RARB: variants seen among roughly 807,000 people sequenced by gnomAD.
The protein encoded by RARB is retinoic acid receptor beta, also known as HBV-activated protein.
Under a neutral mutation model 51.9 loss-of-function variants are expected in RARB, and 17 were observed. The ratio of observed to expected loss-of-function variants is 0.33; its 90% CI spans 0.22 to 0.49. RARB has a LOEUF of 0.49. Among genes scored for constraint, RARB ranks in the 20% least tolerant of loss-of-function variants. The probability of loss-of-function intolerance (pLI) is 0.99; values close to 1 mark genes in which losing one functional copy is unlikely to be tolerated. For synonymous variants in RARB, 215 were observed against 195.4 expected, an observed-to-expected ratio of 1.10 and a Z score of -0.84; for missense variants, 369 against 550.8, an observed-to-expected ratio of 0.67 and a Z score of 3.30.
chr3:24,973,479 A>T (rs1013481472), intron 2 of RARB, among the ~76,000 whole-genome samples: 1 of 151,788 alleles, frequency 6.6e-6, no homozygotes, highest in Admixed American at 6.6e-5. Flanking sequence ...CAAATTTTAG[A>T]ATTTTTTTGT....
chr3:25,002,824 A>G (rs1337579201), intron 2 of RARB, among the ~76,000 whole-genome samples: 3 of 152,026 alleles, frequency 2.0e-5, no homozygotes, highest in South Asian at 4.1e-4. Context: ...TTCATCATCT[A>G]TAATATAGGG....
At chr3:25,346,709 G>T (rs540102132) in intron 5 of RARB, among the ~76,000 whole-genome samples, 19 of 152,292 alleles carry the variant, frequency 1.2e-4, no homozygotes, top group African/African-American at 4.6e-4. Flanking sequence ...TGACATAGCT[G>T]TTTGGACAAG....
At chr3:24,880,024 A>ATTCT (rs1703128517) in intron 2 of RARB, among the ~76,000 whole-genome samples, 1 of 152,154 alleles carries the variant, frequency 6.6e-6, no homozygotes, top group South Asian at 2.1e-4. Flanking sequence ...CATAAACAAG[A>ATTCT]TAAGGAGCTC....
At position 25,221,955 on chromosome 3, in the gene RARB, A is replaced by G. The variant is rs112916732; in HGVS notation, c.178+47380A>G. ...AACATCTTGACATTACTATTAGCACATGTTGTATCCTGTAATTAAGCAGAA... is the reference window on the plus strand; with the variant it reads ...AACATCTTGACATTACTATTAGCACGTGTTGTATCCTGTAATTAAGCAGAA... On this transcript the variant is annotated intron_variant, in intron 5 of 11. Transcript: ENST00000383772. 5.8e-3 allele frequency among the ~76,000 whole-genome samples: 887 copies of G among 152,306 alleles called. 16 individuals are homozygous for G. Among genetic ancestry groups the G allele is most frequent in the African/African-American group, 0.019 (787 of 41,570 alleles).
At chr3:25,592,624 G>A (rs1701654826) in intron 5 of RARB, among the ~76,000 whole-genome samples, 2 of 152,224 alleles carry the variant, frequency 1.3e-5, no homozygotes, top group Non-Finnish European at 2.9e-5. Flanking sequence ...GCACAGGGCA[G>A]TGAGCAAGAG....
chr3:25,249,908 G>A (rs1702667444), intron 5 of RARB, among the ~76,000 whole-genome samples: 1 of 152,198 alleles, frequency 6.6e-6, no homozygotes, highest in Admixed American at 6.5e-5. Flanking sequence ...CAGCACTATT[G>A]CCAGGTCCTG....
At chr3:25,097,352 A>G (rs747152632) in intron 3 of RARB, among the ~76,000 whole-genome samples, 7 of 152,210 alleles carry the variant, frequency 4.6e-5, no homozygotes. Flanking sequence ...TGCAGGTACT[A>G]AAAAAGAAAG....
chr3:25,363,133 A>G (rs554326629), intron 5 of RARB, among the ~76,000 whole-genome samples: 3 of 152,320 alleles, frequency 2.0e-5, no homozygotes, highest in East Asian at 3.9e-4. Flanking sequence ...ATTTAAGGAC[A>G]TTATTGTCCA....
chr3:24,839,563 C>G (rs1310162443), intron 1 of RARB, among the ~76,000 whole-genome samples: 1 of 149,740 alleles, frequency 6.7e-6, no homozygotes, highest in Non-Finnish European at 1.5e-5. Context: ...CAGAAGTTAG[C>G]TGGGTATGGC....
At chr3:24,914,389 C>T (rs968420610) in intron 2 of RARB, among the ~76,000 whole-genome samples, 2 of 152,110 alleles carry the variant, frequency 1.3e-5, no homozygotes, top group East Asian at 1.9e-4. Flanking sequence ...CAGGGTAAGA[C>T]AGGTATGCCC....
chr3:25,140,030 T>C (rs1189909317), intron 4 of RARB, among the ~76,000 whole-genome samples: 3 of 152,174 alleles, frequency 2.0e-5, no homozygotes, highest in Non-Finnish European at 4.4e-5. Context: ...CAAAATATTA[T>C]TGCTTACTGT....
intron 5 of RARB, among the ~76,000 whole-genome samples, chr3:25,388,037 G>T (rs56059341): frequency 0.42 from 62,726 of 148,356 alleles, 13,430 homozygotes; most frequent in East Asian, 0.74. Context: ...AGAACATAAG[G>T]CTAGGTGGAA....
chr3:25,176,237 G>A (rs1700740007), intron 5 of RARB, among the ~76,000 whole-genome samples: 1 of 151,640 alleles, frequency 6.6e-6, no homozygotes, highest in Non-Finnish European at 1.5e-5. Flanking sequence ...GTTCCCAAAA[G>A]CAACTTTGGG....
At chr3:25,426,000 T>A (rs898688351), upstream of RARB, among the ~76,000 whole-genome samples, 4 of 152,200 alleles carry the variant, frequency 2.6e-5, no homozygotes, top group Admixed American at 2.0e-4. Flanking sequence ...TATAGCTGTT[T>A]CCTCTTCTCT....
intron 2 of RARB, among the ~76,000 whole-genome samples, chr3:25,497,065 G>A (rs1697075542): frequency 6.6e-6 from 1 of 152,128 alleles, no homozygotes; most frequent in Non-Finnish European, 1.5e-5. Context: ...TGTATTTTTA[G>A]TAGAGACGGG....
chr3:25,293,273 A>T (rs1575289452), intron 5 of RARB, among the ~76,000 whole-genome samples: 1 of 152,094 alleles, frequency 6.6e-6, no homozygotes, highest in South Asian at 2.1e-4. Context: ...TGGCCGTGTC[A>T]GTCTGGGCAG....
chr3:25,399,783 C>T (rs556882533), intron 5 of RARB, among the ~76,000 whole-genome samples: 7 of 152,112 alleles, frequency 4.6e-5, no homozygotes, highest in African/African-American at 1.2e-4. Context: ...GAAGTAAATC[C>T]GAGGTTTGTC....
At chr3:25,129,079 G>A (rs530802949) in intron 3 of RARB, among the ~76,000 whole-genome samples, 9 of 152,140 alleles carry the variant, frequency 5.9e-5, no homozygotes, top group African/African-American at 2.2e-4. Context: ...TAGAAATTCA[G>A]TAAATAAGAA....
At chr3:25,135,863 A>C (rs1298177843) in intron 4 of RARB, among the ~76,000 whole-genome samples, 1 of 152,068 alleles carries the variant, frequency 6.6e-6, no homozygotes, top group East Asian at 1.9e-4. Context: ...AGAATGTCAC[A>C]ACATCATGAA....
Sources: gnomAD v4.1 joint callset for allele counts (sites outside exome capture counted in the v4.1 genomes callset) on GRCh38, gnomAD v4.1.1 for gene constraint, MANE v1.5 for transcripts, NCBI Gene and HGNC (gene_info 2026-07-23, HGNC 2026-07-21) for gene names.